The following DNAH11 variants were observed in gnomAD, a reference collection of about 807,000 sequenced individuals.
The protein encoded by DNAH11 is axonemal beta dynein heavy chain 11.
In DNAH11, 442 loss-of-function variants were observed where a neutral mutation model predicts 526.0. The ratio of observed to expected loss-of-function variants is 0.84; its 90% confidence interval spans 0.78 to 0.91. The LOEUF (loss-of-function observed/expected upper bound fraction) is 0.91. DNAH11 is among the 40% of genes least tolerant of loss of function. The pLI, the probability that DNAH11 is intolerant of heterozygous loss-of-function variation, is 0.00. For missense variants in DNAH11, 6,989 were observed against 5,448.7 expected (o/e 1.28, Z -8.90); for synonymous variants, 2,461 against 1,935.9 (o/e 1.27, Z -7.12).
chr7:21,705,918 T>C (rs1562499873), intron 39 of DNAH11, among the ~76,000 whole-genome samples: 1 of 152,180 alleles, frequency 6.6e-6, no homozygotes. Flanking sequence ...TAAGAGACTG[T>C]GGAATAAGAT....
At chr7:21,738,257 C>T (rs952695589) in intron 46 of DNAH11, among the ~76,000 whole-genome samples, 9 of 152,150 alleles carry the variant, frequency 5.9e-5, no homozygotes, top group African/African-American at 2.2e-4. Flanking sequence ...CTCTGCACTC[C>T]AGCGGCCTAA....
intron 34 of DNAH11, among the ~76,000 whole-genome samples, chr7:21,687,999 C>T (rs750973987): frequency 2.0e-5 from 3 of 152,114 alleles, no homozygotes; most frequent in Non-Finnish European, 2.9e-5. Flanking sequence ...GAGGTCAAGG[C>T]TGCAGTGAGA....
intron 25 of DNAH11, among the ~76,000 whole-genome samples, chr7:21,628,201 T>C (rs954132227): frequency 1.4e-4 from 22 of 152,104 alleles, no homozygotes; most frequent in African/African-American, 5.3e-4. Context: ...ATGGAGTCTT[T>C]AGGTTTTTCT....
At position 21,691,009 on chromosome 7, in the gene DNAH11, C is replaced by T. The variant is rs1250916516; in HGVS notation, c.6041+128C>T. ...GAAAATCCTATATGATTTCCTTGGG[C>T]TCCTTTTATAGACAGAACTTTCACC... On this transcript the variant is annotated intron_variant, in intron 35 of 81. Coordinates refer to ENST00000409508, the MANE Select transcript of DNAH11 (RefSeq NM_001277115.2). 4.4e-6 allele frequency: 3 copies of T among 674,892 alleles called. No individual in the cohort carries two copies. In the Admixed American group the frequency reaches 9.7e-5, roughly 22 times the overall value. The allele number at this position is 674,892 out of a possible 1,614,324, so 41.8% of individuals were successfully genotyped here.
Position 21,570,164 on chromosome 7 carries a change from C to G in DNAH11, c.1290C>G (p.Phe430Leu), listed in dbSNP as rs765276431. Reference protein sequence around the residue: ...VQVAVNILKTFKNSFFNYRKK... With the variant: ...VQVAVNILKTLKNSFFNYRKK... ...TGGCTGTTAACATCTTAAAGACTTT[C>G]AAAAACTCCTTTTTCAACTATAGAA... Residue 430 changes from phenylalanine to leucine, a missense_variant, in exon 7 of 82, where the codon TTC becomes TTG. Transcript: ENST00000409508. The G allele has an allele frequency of 4.3e-6, 7 of 1,613,318 alleles. No individual in the cohort carries two copies. Among genetic ancestry groups the G allele is most frequent in the East Asian group, 2.2e-5 (1 of 44,872 alleles).
intron 69 of DNAH11, among the ~76,000 whole-genome samples, chr7:21,862,301 A>G (rs1314105846): frequency 6.6e-6 from 1 of 151,780 alleles, no homozygotes; most frequent in African/African-American, 2.4e-5. Flanking sequence ...TATTCATAAG[A>G]CATTCTTCTC....
Position 21,765,498 on chromosome 7 carries a change from A to G in DNAH11, c.9011A>G (p.Asn3004Ser). The G allele has an allele frequency of 6.2e-7, 1 of 1,613,698 alleles. No homozygotes were observed. The highest frequency in any genetic ancestry group is 8.5e-7 in the Non-Finnish European group (1 of 1,179,770). The stretch of plus-strand genomic sequence containing the variant: ...GCTCGGAAGTTCCCAGCCATAGTTA[A>G]CTGCACGGCTATTGACTGGTTTCAT... ...VRARKFPAIV[N>S]CTAIDWFHAW... The change falls in exon 55 of 82, where the codon AAC becomes AGC. Residue 3004 changes from asparagine to serine, a missense_variant. Transcript: ENST00000409508.
intron 12 of DNAH11, 37 bp downstream of exon 12, chr7:21,589,440 C>T (rs1583506805): frequency 4.0e-6 from 6 of 1,495,188 alleles, no homozygotes; most frequent in Middle Eastern, 2.0e-4. Flanking sequence ...TTATAAGTGC[C>T]CTTTTTATTA....
At chr7:21,711,567 C>T in intron 41 of DNAH11, 145 bp from the exon 42 acceptor site, 1 of 1,168,230 alleles carries the variant, frequency 8.6e-7, no homozygotes, top group African/African-American at 1.5e-5. Context: ...CAGGGGTGAG[C>T]TTAGATCTTT....
chr7:21,611,313 C>T (rs143554915), intron 20 of DNAH11, among the ~76,000 whole-genome samples: 13 of 152,084 alleles, frequency 8.5e-5, no homozygotes, highest in Admixed American at 2.6e-4. Flanking sequence ...ACTTTGGCCC[C>T]GGACTGAGGA....
chr7:21,661,921 C>T (rs904392343), intron 30 of DNAH11, among the ~76,000 whole-genome samples: 4 of 152,012 alleles, frequency 2.6e-5, no homozygotes, highest in Non-Finnish European at 5.9e-5. Context: ...CCAGGTCAAG[C>T]AATTCTCCTG....
chr7:21,592,118 C>G (rs1395804129), intron 14 of DNAH11, among the ~76,000 whole-genome samples: 1 of 152,138 alleles, frequency 6.6e-6, no homozygotes, highest in Non-Finnish European at 1.5e-5. Context: ...GCAAACAACA[C>G]AATGCTCCCC....
intron 43 of DNAH11, among the ~76,000 whole-genome samples, chr7:21,718,189 AT>A (rs60132685): frequency 2.0e-5 from 3 of 150,618 alleles, no homozygotes; most frequent in Admixed American, 6.6e-5. Context: ...TGTTTTACTG[AT>A]TTTTTTTTAG....
intron 62 of DNAH11, among the ~76,000 whole-genome samples, chr7:21,804,865 A>G (rs1241844005): frequency 2.0e-5 from 3 of 152,172 alleles, no homozygotes; most frequent in Non-Finnish European, 4.4e-5. Context: ...TAGCTAATTA[A>G]TCACTCAAAG....
At chr7:21,814,455 A>G (rs1250174992) in intron 63 of DNAH11, among the ~76,000 whole-genome samples, 4 of 150,766 alleles carry the variant, frequency 2.7e-5, no homozygotes, top group Admixed American at 1.3e-4. Context: ...ATGCTGGTGC[A>G]CTGCACCCAC....
intron 6 of DNAH11, among the ~76,000 whole-genome samples, chr7:21,569,762 C>G (rs1162262881): frequency 6.6e-6 from 1 of 152,128 alleles, no homozygotes. Flanking sequence ...AGAATATTTG[C>G]TGGCAGGCAC....
At chr7:21,898,050 G>A (rs1326690362) in intron 79 of DNAH11, among the ~76,000 whole-genome samples, 1 of 151,738 alleles carries the variant, frequency 6.6e-6, no homozygotes, top group Non-Finnish European at 1.5e-5. Flanking sequence ...TTCTTATTTG[G>A]GGTCTTCAAA....
intron 20 of DNAH11, among the ~76,000 whole-genome samples, chr7:21,612,962 T>C (rs1460782773): frequency 1.3e-5 from 2 of 152,206 alleles, no homozygotes; most frequent in African/African-American, 4.8e-5. Context: ...CATTCATTCA[T>C]GATAGAAACA....
At chr7:21,868,646 A>T (rs552106466) in intron 72 of DNAH11, among the ~76,000 whole-genome samples, 2 of 152,236 alleles carry the variant, frequency 1.3e-5, no homozygotes, top group Non-Finnish European at 2.9e-5. Flanking sequence ...AACCAAAGGA[A>T]CTGGCTTCCA....
Sources: gnomAD v4.1 joint callset for allele counts (sites outside exome capture counted in the v4.1 genomes callset) on GRCh38, gnomAD v4.1.1 for gene constraint, MANE v1.5 for transcripts, NCBI Gene and HGNC (gene_info 2026-07-23, HGNC 2026-07-21) for gene names.